Variants in DCDC2 observed in about 807,000 individuals in gnomAD.
DCDC2 encodes doublecortin domain-containing protein 2.
In DCDC2, 40 loss-of-function variants were observed where a neutral mutation model predicts 50.2. The ratio of observed to expected loss-of-function variants is 0.80; its 90% CI spans 0.62 to 1.04. The LOEUF (loss-of-function observed/expected upper bound fraction) is 1.04, where lower values mean the gene tolerates loss of function less well. Ranked by LOEUF, DCDC2 falls within the 50% of genes least tolerant of loss-of-function variation. DCDC2 has a pLI of 0.00. For missense variants in DCDC2, 570 were observed against 581.9 expected (o/e 0.98, Z 0.21); for synonymous variants, 234 against 210.6 (o/e 1.11, Z -0.96).
At chr6:24,269,260 C>T (rs1320701488) in intron 7 of DCDC2, among the ~76,000 whole-genome samples, 1 of 152,124 alleles carries the variant, frequency 6.6e-6, no homozygotes, top group Non-Finnish European at 1.5e-5. Flanking sequence ...TAGAAATGGC[C>T]TATGTTCTTT....
intron 6 of DCDC2, among the ~76,000 whole-genome samples, chr6:24,284,610 CA>C (rs200440372): frequency 0.012 from 1,213 of 99,988 alleles, 9 homozygotes; most frequent in African/African-American, 0.025. Flanking sequence ...GACTCTGTCT[CA>C]AAAAAAAAAA....
intron 7 of DCDC2, among the ~76,000 whole-genome samples, chr6:24,210,128 G>GTC (rs969019067): frequency 2.6e-5 from 4 of 151,320 alleles, no homozygotes; most frequent in Admixed American, 6.6e-5. Context: ...TTTCTCCTAA[G>GTC]TCTCCTTGGC....
Position 24,171,947 on chromosome 6 carries a change from A to G in DCDC2, c.*2783T>C, listed in dbSNP as rs1760788653. On this transcript the variant is annotated 3_prime_UTR_variant, in exon 10 of 10. Coordinates refer to ENST00000378454, the MANE Select transcript of DCDC2 (RefSeq NM_016356.5). ...AAAGCATTATATTGGTTATCACATA[A>G]AAGCATCATAAGTTTTTCGTAGCAC... 6.6e-6 allele frequency: 1 copy of G among 152,252 alleles called. No homozygotes were observed. Among genetic ancestry groups the G allele is most frequent in the Admixed American group, 6.5e-5 (1 of 15,290 alleles). The allele number at this position is 152,252 out of a possible 1,614,324, so 9.4% of individuals were successfully genotyped here. A position where few individuals can be genotyped will look rare whatever the true frequency, so the allele number is the denominator to read the frequency against.
At chr6:24,222,886 C>T (rs1762149405) in intron 7 of DCDC2, among the ~76,000 whole-genome samples, 1 of 152,208 alleles carries the variant, frequency 6.6e-6, no homozygotes, top group Non-Finnish European at 1.5e-5. Context: ...ATCATATTTG[C>T]TTATTTGAAT....
chr6:24,325,999 A>G (rs1249122691), intron 2 of DCDC2, among the ~76,000 whole-genome samples: 4 of 149,034 alleles, frequency 2.7e-5, no homozygotes, highest in East Asian at 2.2e-4. Context: ...AACTACTGTA[A>G]TTTTTCTTTA....
intron 2 of DCDC2, among the ~76,000 whole-genome samples, chr6:24,310,080 C>A (rs1202308768): frequency 6.6e-6 from 1 of 152,096 alleles, no homozygotes; most frequent in Admixed American, 6.5e-5. Context: ...TTGGTCAATG[C>A]AAAATTACAA....
intron 8 of DCDC2, among the ~76,000 whole-genome samples, chr6:24,185,933 C>T (rs1049062791): frequency 2.6e-5 from 4 of 152,216 alleles, no homozygotes; most frequent in African/African-American, 7.2e-5. Context: ...CTCACACAAA[C>T]TCAGAGCTAT....
chr6:24,252,919 A>G (rs984758578), intron 7 of DCDC2, among the ~76,000 whole-genome samples: 6 of 152,206 alleles, frequency 3.9e-5, no homozygotes, highest in African/African-American at 1.4e-4. Flanking sequence ...CTGTTTTGAA[A>G]TTAAGTAAGG....
At chr6:24,252,507 G>A in intron 7 of DCDC2, among the ~76,000 whole-genome samples, 1 of 152,096 alleles carries the variant, frequency 6.6e-6, no homozygotes, top group East Asian at 1.9e-4. Context: ...AATTTTAAGG[G>A]GAAGACAGCC....
chr6:24,383,081 C>G, the DCDC2 span, among the ~76,000 whole-genome samples: 2 of 152,066 alleles, frequency 1.3e-5, no homozygotes, highest in African/African-American at 4.8e-5. Context: ...AATCCCAGCA[C>G]TTTGGGAGGC....
chr6:24,301,154 G>A (rs1259250400), intron 4 of DCDC2, among the ~76,000 whole-genome samples: 6 of 151,664 alleles, frequency 4.0e-5, no homozygotes, highest in African/African-American at 9.7e-5. Context: ...GGCGGATCAC[G>A]AGGTCAGGAG....
At chr6:24,255,439 T>C (rs980460991) in intron 7 of DCDC2, among the ~76,000 whole-genome samples, 7 of 150,368 alleles carry the variant, frequency 4.7e-5, no homozygotes, top group African/African-American at 1.7e-4. Flanking sequence ...AAGGAAAAGT[T>C]AATAAATTAT....
chr6:24,310,906 T>G (rs1291502146), intron 2 of DCDC2, among the ~76,000 whole-genome samples: 1 of 152,172 alleles, frequency 6.6e-6, no homozygotes, highest in African/African-American at 2.4e-5. Flanking sequence ...AAAATTATTT[T>G]ATCTGTCCCC....
the DCDC2 span, among the ~76,000 whole-genome samples, chr6:24,372,182 G>C: frequency 5.6e-4 from 85 of 152,302 alleles, no homozygotes; most frequent in East Asian, 0.016. Context: ...AGCACTTTGG[G>C]AGGCCGAGGC....
upstream of DCDC2, among the ~76,000 whole-genome samples, chr6:24,362,651 A>T (rs2127262244): frequency 6.6e-6 from 1 of 152,298 alleles, no homozygotes. Flanking sequence ...TTCCAGGCAC[A>T]CAATTCTCCT....
chr6:24,372,784 G>A, the DCDC2 span, among the ~76,000 whole-genome samples: 2 of 152,000 alleles, frequency 1.3e-5, no homozygotes, highest in African/African-American at 4.8e-5. Context: ...GGAGAGGGGG[G>A]AGGGATAGCA....
In DCDC2 at chr6:24,178,509, C is replaced by G. The variant is rs180988889; in HGVS notation, c.1147G>C (p.Asp383His). The G allele has an allele frequency of 2.7e-5, 44 of 1,614,194 alleles. No individual in the cohort carries two copies. The East Asian group carries it at 9.4e-4, about 34-fold the overall frequency. The change falls in exon 9 of 10, where the codon GAT becomes CAT. Residue 383 changes from aspartate (D) to histidine (H), a missense_variant. Coordinates refer to ENST00000378454, the MANE Select transcript of DCDC2 (RefSeq NM_016356.5). ...ATCTCCTCGACTTGCTCAGGGGCATCTGTAGCCTCCCTACCTCCTTCCTCT... is the reference window on the plus strand; with the variant it reads ...ATCTCCTCGACTTGCTCAGGGGCATGTGTAGCCTCCCTACCTCCTTCCTCT... ...LEEEGGREAT[D>H]APEQVEEILD...
chr6:24,242,169 C>G (rs189305799), intron 7 of DCDC2, among the ~76,000 whole-genome samples: 2 of 152,114 alleles, frequency 1.3e-5, no homozygotes, highest in African/African-American at 2.4e-5. Context: ...GTAAGACCCT[C>G]TCTCAAAAAG....
chr6:24,311,011 C>CT (rs1348622025), intron 2 of DCDC2, among the ~76,000 whole-genome samples: 1 of 152,216 alleles, frequency 6.6e-6, no homozygotes, highest in Non-Finnish European at 1.5e-5. Flanking sequence ...CCTCTAGCAT[C>CT]TTTCCTCTCT....
Sources: allele counts gnomAD v4.1 joint callset (sites outside exome capture counted in the v4.1 genomes callset), GRCh38; gene constraint gnomAD v4.1.1; transcripts MANE v1.5; gene names NCBI Gene and HGNC (gene_info 2026-07-23, HGNC 2026-07-21).